UNC93A: variants seen among roughly 807,000 people sequenced by gnomAD.
UNC93A encodes unc-93 homolog A.
A neutral mutation model predicts 47.5 loss-of-function variants in UNC93A; 43 were observed. The ratio of observed to expected loss-of-function variants is 0.91; its 90% confidence interval spans 0.71 to 1.17. The LOEUF is 1.17. Ranked by LOEUF, UNC93A falls within the 50% of genes most tolerant of loss-of-function variation. UNC93A has a pLI of 0.00. For synonymous variants in UNC93A, 280 were observed against 258.0 expected (o/e 1.09, Z -0.82); for missense variants, 605 against 577.6 (o/e 1.05, Z -0.49).
At chr6:167,276,299 T>C (rs1783542555) in intron 1 of UNC93A, among the ~76,000 whole-genome samples, 2 of 150,940 alleles carry the variant, frequency 1.3e-5, no homozygotes, top group African/African-American at 5.0e-5. Flanking sequence ...ATTGTGACAG[T>C]ATTGGGATGA....
At chr6:167,311,422 G>A (rs904988464) in intron 7 of UNC93A, among the ~76,000 whole-genome samples, 1 of 152,224 alleles carries the variant, frequency 6.6e-6, no homozygotes, top group African/African-American at 2.4e-5. Flanking sequence ...ATCTGTGCCA[G>A]GCACTCCTCT....
At chr6:167,306,072 A>AT (rs1338448851) in intron 6 of UNC93A, 22 bp downstream of exon 6, 1 of 1,612,908 alleles carries the variant, frequency 6.2e-7, no homozygotes, top group South Asian at 1.1e-5. Flanking sequence ...CGTGGGTCCC[A>AT]TCCCAGCTGT....
intron 1 of UNC93A, among the ~76,000 whole-genome samples, chr6:167,280,423 A>G (rs1349457181): frequency 6.6e-6 from 1 of 152,216 alleles, no homozygotes; most frequent in Non-Finnish European, 1.5e-5. Context: ...TCATCTCAAT[A>G]GAACCCTGTC....
At chr6:167,284,054 A>G (rs1783679392) in intron 1 of UNC93A, among the ~76,000 whole-genome samples, 1 of 152,126 alleles carries the variant, frequency 6.6e-6, no homozygotes, top group Non-Finnish European at 1.5e-5. Context: ...AATCCAACAA[A>G]TACTTGCTGA....
At chr6:167,303,687 T>C (rs1378074735) in intron 4 of UNC93A, among the ~76,000 whole-genome samples, 1 of 152,150 alleles carries the variant, frequency 6.6e-6, no homozygotes, top group Admixed American at 6.6e-5. Flanking sequence ...TGACCTATTG[T>C]GGCAGGTTTC....
intron 6 of UNC93A, 101 bp downstream of exon 6, chr6:167,306,151 C>T: frequency 1.3e-6 from 2 of 1,527,984 alleles, no homozygotes; most frequent in Non-Finnish European, 1.8e-6. Context: ...GCCCCTGAAA[C>T]TGCTTTGAAA....
At chr6:167,278,831 G>A (rs142955324) in intron 1 of UNC93A, among the ~76,000 whole-genome samples, 2,411 of 152,214 alleles carry the variant, frequency 0.016, 79 homozygotes, top group African/African-American at 0.055. Flanking sequence ...CACAGGGTGG[G>A]AGTTTTTCAT....
rs773636010 is a variant in UNC93A, at chr6:167,315,055, T to C, written c.1109-132T>C. 8 of 1,326,226 alleles carry C rather than the reference T, an allele frequency of 6.0e-6. No individual in the cohort carries two copies. In the East Asian group the frequency reaches 1.4e-4, roughly 23 times the overall value. 82.2% of individuals were successfully genotyped at this position (1,326,226 alleles called of 1,614,324 possible). A position where few individuals can be genotyped will look rare whatever the true frequency, so the allele number is the denominator to read the frequency against. On this transcript the variant is annotated intron_variant, in intron 7 of 7. Coordinates refer to ENST00000230256, the MANE Select transcript of UNC93A (RefSeq NM_018974.4). ...TGCTATCATCTGGCATGTAAAATCA[T>C]TCTGTTGTGAAAAAAGAAAAATGTC...
rs111827414 is a variant in UNC93A at position 167,295,888 on chromosome 6, A to G, written c.270-144A>G. The G allele has an allele frequency of 3.8e-3, 2,675 of 695,234 alleles. 19 individuals are homozygous for G. Among genetic ancestry groups the G allele is most frequent in the Middle Eastern group, 7.1e-3 (23 of 3,222 alleles). 43.1% of individuals were successfully genotyped at this position (695,234 alleles called of 1,614,324 possible). A position where few individuals can be genotyped will look rare whatever the true frequency, so the allele number is the denominator to read the frequency against. On this transcript the variant is annotated intron_variant, in intron 2 of 7. Coordinates refer to ENST00000230256, the MANE Select transcript of UNC93A (RefSeq NM_018974.4). The stretch of plus-strand genomic sequence containing the variant: ...TCTGAGTGTAATGGTGAATCCATCC[A>G]TCCAACCAGCAACACTCATCACCAC...
intron 1 of UNC93A, among the ~76,000 whole-genome samples, chr6:167,293,867 C>T (rs1777965996): frequency 6.6e-6 from 1 of 152,192 alleles, no homozygotes; most frequent in Non-Finnish European, 1.5e-5. Context: ...TCCTTCTCCC[C>T]ACCCTGCCCT....
chr6:167,304,131 A>C lies in UNC93A; in HGVS notation c.838A>C (p.Arg280=). 6.2e-7 allele frequency: 1 copy of C among 1,614,188 alleles called. No individual in the cohort carries two copies. Among genetic ancestry groups the C allele is most frequent in the Non-Finnish European group, 8.5e-7 (1 of 1,180,048 alleles). ...QQGFLSSEYT[R]SYVTCTLGIQ... Reference sequence around the variant, plus strand: ...AGGATTCCTCTCCAGCGAATACACAAGGGTATGAACGAAAGTGAGGGCCGG... The same window carrying C: ...AGGATTCCTCTCCAGCGAATACACACGGGTATGAACGAAAGTGAGGGCCGG... The change falls in exon 5 of 8, where the codon AGG becomes CGG. Residue 280 remains arginine (R), a splice_region_variant and synonymous_variant. Transcript: ENST00000230256.
rs114897538 is a variant in UNC93A at position 167,273,213 on chromosome 6, C to A, written c.-52+1755C>A. Among the ~76,000 whole-genome samples, 1,015 of 152,288 alleles carry A rather than the reference C, an allele frequency of 6.7e-3. 15 individuals carry two copies. Among genetic ancestry groups the A allele is most frequent in the African/African-American group, 0.023 (951 of 41,526 alleles). On this transcript the variant is annotated intron_variant, in intron 1 of 3. Coordinates refer to the UNC93A transcript ENST00000503433. ...TACTCCTTTCCTTCCCGGGCTTGTG[C>A]ACGCTGGGTCAGGCCCCATCTCACC... is the stretch of plus-strand genomic sequence containing the variant.
chr6:167,291,701 A>G (rs1783845083), intron 1 of UNC93A, 125 bp downstream of exon 1: 1 of 877,786 alleles, frequency 1.1e-6, no homozygotes, highest in Non-Finnish European at 1.7e-6. Flanking sequence ...TTCACTCTGT[A>G]CCAAATCCTC....
chr6:167,312,638 G>A (rs1251579497), intron 7 of UNC93A, among the ~76,000 whole-genome samples: 2 of 152,216 alleles, frequency 1.3e-5, no homozygotes, highest in Non-Finnish European at 2.9e-5. Flanking sequence ...CCGGCAGCCA[G>A]AAGCCTGGTT....
chr6:167,269,351 TAAG>T (rs1282041512), upstream of UNC93A, among the ~76,000 whole-genome samples: 2 of 152,208 alleles, frequency 1.3e-5, no homozygotes, highest in East Asian at 1.9e-4. Context: ...ACTGTTCTGA[TAAG>T]AAGAAAACAT....
chr6:167,295,126 T>TCACAGGGATGGGAGGCCACCCTGC (rs1222374939), intron 2 of UNC93A, among the ~76,000 whole-genome samples: 1 of 149,932 alleles, frequency 6.7e-6, no homozygotes, highest in Non-Finnish European at 1.5e-5. Context: ...CCAGGGCAGG[T>TCACAGGGATGGGAGGCCACCCTGC]CACAGGGATG....
intron 1 of UNC93A, among the ~76,000 whole-genome samples, chr6:167,278,358 G>A (rs1315768233): frequency 1.3e-5 from 2 of 152,134 alleles, no homozygotes; most frequent in African/African-American, 4.8e-5. Context: ...CCCAGGGCCC[G>A]TGAGGCCAGC....
At chr6:167,284,335 A>G (rs983298556) in intron 1 of UNC93A, among the ~76,000 whole-genome samples, 13 of 151,942 alleles carry the variant, frequency 8.6e-5, no homozygotes, top group Admixed American at 6.5e-5. Context: ...GGCCCAGTGC[A>G]TGACATGCAG....
intron 7 of UNC93A, among the ~76,000 whole-genome samples, chr6:167,308,987 G>A (rs1045347409): frequency 6.6e-6 from 1 of 152,074 alleles, no homozygotes; most frequent in Non-Finnish European, 1.5e-5. Context: ...GATGGGAGAT[G>A]AGCGGGAGCC....
Sources: allele counts gnomAD v4.1 joint callset (sites outside exome capture counted in the v4.1 genomes callset), GRCh38; gene constraint gnomAD v4.1.1; transcripts MANE v1.5; gene names NCBI Gene and HGNC (gene_info 2026-07-23, HGNC 2026-07-21).